NAA11: variants seen among roughly 807,000 people sequenced by gnomAD.
NAA11 encodes N-alpha-acetyltransferase 11, NatA catalytic subunit.
In NAA11, 15 loss-of-function variants were observed where a neutral mutation model predicts 16.1. The observed-to-expected ratio is 0.93, with a 90% CI of 0.62 to 1.44. The LOEUF (loss-of-function observed/expected upper bound fraction) is 1.44, where lower values mean the gene tolerates loss of function less well. NAA11 is among the 40% of genes most tolerant of loss of function. NAA11 has a pLI of 0.00. For synonymous variants in NAA11, 122 were observed against 112.4 expected (o/e 1.09, Z -0.54); for missense variants, 298 against 291.3 (o/e 1.02, Z -0.17).
At chr4:79,216,041 ATTCTT>A in the NAA11 span, among the ~76,000 whole-genome samples, 2 of 152,182 alleles carry the variant, frequency 1.3e-5, no homozygotes, top group African/African-American at 2.4e-5. Context: ...ACTCTGTTCT[ATTCTT>A]TATAATCATT....
At chr4:79,272,767 C>T (rs375381647) in intron 2 of NAA11, among the ~76,000 whole-genome samples, 4 of 151,804 alleles carry the variant, frequency 2.6e-5, no homozygotes, top group Non-Finnish European at 5.9e-5. Context: ...ACATTTTTTC[C>T]GATGCTCACA....
At chr4:79,185,171 A>G in the NAA11 span, among the ~76,000 whole-genome samples, 1 of 152,140 alleles carries the variant, frequency 6.6e-6, no homozygotes, top group Non-Finnish European at 1.5e-5. Flanking sequence ...CCAGTAGTTA[A>G]CGTTGTATAC....
intron 2 of NAA11, among the ~76,000 whole-genome samples, chr4:79,251,575 A>G (rs1468204892): frequency 6.6e-6 from 1 of 152,116 alleles, no homozygotes; most frequent in Non-Finnish European, 1.5e-5. Context: ...AACTCCCATA[A>G]CAGGCAATTT....
chr4:79,235,091 C>T lies in NAA11; in HGVS notation c.*123-8821G>A, dbSNP rs528544100. Among the ~76,000 whole-genome samples the T allele has an allele frequency of 4.6e-5, 7 of 152,244 alleles. 1 individual carries two copies. The highest frequency in any genetic ancestry group is 1.7e-4 in the African/African-American group (7 of 41,566). ...GAAGCTGATCTTTTTCATTTAACAG[C>T]TTAGTCCAGTGCCTTGCCTGGACTG... On this transcript the variant is annotated intron_variant and NMD_transcript_variant, in intron 2 of 2. Coordinates refer to the NAA11 transcript ENST00000511542.
chr4:79,301,002 T>G (rs1003715580), intron 1 of NAA11, among the ~76,000 whole-genome samples: 13 of 152,058 alleles, frequency 8.5e-5, no homozygotes, highest in South Asian at 2.1e-4. Context: ...AGTTCCAGAG[T>G]CACACACAGG....
At chr4:79,300,128 T>C (rs562178478) in intron 1 of NAA11, among the ~76,000 whole-genome samples, 114 of 152,308 alleles carry the variant, frequency 7.5e-4, no homozygotes, top group Non-Finnish European at 1.3e-3. Flanking sequence ...TAGAACTATC[T>C]TGAGAATTTG....
chr4:79,219,122 G>T, the NAA11 span, among the ~76,000 whole-genome samples: 2 of 151,858 alleles, frequency 1.3e-5, no homozygotes, highest in Non-Finnish European at 2.9e-5. Context: ...GATTTGATTT[G>T]ACTTTAAATT....
chr4:79,191,630 T>A, the NAA11 span, among the ~76,000 whole-genome samples: 2 of 152,182 alleles, frequency 1.3e-5, no homozygotes, highest in Admixed American at 6.5e-5. Context: ...ATTCTGTAGG[T>A]TGTCTGTTTA....
downstream of NAA11, among the ~76,000 whole-genome samples, chr4:79,312,213 T>G (rs1420297018): frequency 6.6e-6 from 1 of 152,220 alleles, no homozygotes; most frequent in Admixed American, 6.5e-5. Context: ...TAACAAACAG[T>G]CAAACTTTTA....
At chr4:79,277,092 C>T (rs770981031) in intron 2 of NAA11, among the ~76,000 whole-genome samples, 61 of 152,252 alleles carry the variant, frequency 4.0e-4, no homozygotes, top group Non-Finnish European at 7.8e-4. Flanking sequence ...GTTGCACCTT[C>T]ATCCCAAACA....
At chr4:79,271,115 T>TA (rs1722482341) in intron 2 of NAA11, among the ~76,000 whole-genome samples, 1 of 43,994 alleles carries the variant, frequency 2.3e-5, no homozygotes, top group Non-Finnish European at 4.6e-5. Flanking sequence ...GACATGATTG[T>TA]ATATCTAGAA....
intron 2 of NAA11, among the ~76,000 whole-genome samples, chr4:79,277,698 C>T (rs1051272652): frequency 1.3e-5 from 2 of 152,018 alleles, no homozygotes; most frequent in African/African-American, 4.8e-5. Flanking sequence ...CTGCTCTGCC[C>T]TGACTCCCGC....
the NAA11 span, among the ~76,000 whole-genome samples, chr4:79,180,615 CTT>C: frequency 6.6e-6 from 1 of 152,290 alleles, no homozygotes; most frequent in East Asian, 1.9e-4. Flanking sequence ...AATAGGAACA[CTT>C]TTACACTGTT....
At chr4:79,193,348 A>T in the NAA11 span, among the ~76,000 whole-genome samples, 1 of 152,070 alleles carries the variant, frequency 6.6e-6, no homozygotes. Flanking sequence ...TAGGGTTTTT[A>T]TGGTTTTAGG....
intron 2 of NAA11, among the ~76,000 whole-genome samples, chr4:79,293,352 C>G (rs1289947588): frequency 6.6e-6 from 1 of 152,080 alleles, no homozygotes; most frequent in Non-Finnish European, 1.5e-5. Flanking sequence ...GTATGTGAAG[C>G]AAAAAGTTAC....
intron 1 of NAA11, chr4:79,305,157 C>A (rs2110006054): frequency 6.6e-6 from 1 of 152,268 alleles, no homozygotes; most frequent in South Asian, 2.1e-4. Context: ...CATGTCTTTT[C>A]TGAATCACCT....
the NAA11 span, among the ~76,000 whole-genome samples, chr4:79,157,845 C>T: frequency 6.6e-6 from 1 of 151,272 alleles, no homozygotes; most frequent in Non-Finnish European, 1.5e-5. Context: ...GAGAAAGAAA[C>T]TAGGGCATCC....
chr4:79,303,682 G>T (rs1281536084), intron 1 of NAA11, among the ~76,000 whole-genome samples: 1 of 152,192 alleles, frequency 6.6e-6, no homozygotes, highest in African/African-American at 2.4e-5. Context: ...TTTGGGAGAA[G>T]AATGTAATTG....
intron 2 of NAA11, among the ~76,000 whole-genome samples, chr4:79,276,045 T>A (rs1314545529): frequency 6.6e-6 from 1 of 152,132 alleles, no homozygotes; most frequent in African/African-American, 2.4e-5. Context: ...TAAAAGTTCT[T>A]ACATGTCTTG....
Sources: allele counts gnomAD v4.1 joint callset (sites outside exome capture counted in the v4.1 genomes callset), GRCh38; gene constraint gnomAD v4.1.1; transcripts MANE v1.5; gene names NCBI Gene and HGNC (gene_info 2026-07-23, HGNC 2026-07-21).